The following PDE2A variants were observed in gnomAD, a reference collection of about 807,000 sequenced individuals.
PDE2A encodes the protein phosphodiesterase 2A.
In PDE2A, 53 loss-of-function variants were observed where a neutral mutation model predicts 133.6. The ratio of observed to expected loss-of-function variants is 0.40; its 90% CI spans 0.32 to 0.50. PDE2A has a LOEUF of 0.50. Among genes scored for constraint, PDE2A ranks in the 20% least tolerant of loss-of-function variants. PDE2A has a pLI of 0.73. For synonymous variants in PDE2A, 491 were observed against 490.2 expected (o/e 1.00, Z -0.02); for missense variants, 796 against 1,232.4 (o/e 0.65, Z 5.30).
chr11:72,666,903 C>T (rs1233468111), intron 1 of PDE2A, among the ~76,000 whole-genome samples: 1 of 152,084 alleles, frequency 6.6e-6, no homozygotes, highest in Non-Finnish European at 1.5e-5. Context: ...GTCAGGAGTT[C>T]AAGACCAGCC....
At chr11:72,632,984 G>A (rs190722142) in intron 2 of PDE2A, among the ~76,000 whole-genome samples, 237 of 152,264 alleles carry the variant, frequency 1.6e-3, no homozygotes, top group Non-Finnish European at 2.2e-3. Flanking sequence ...CACCTAGCCT[G>A]TGTTTATCAC....
intron 4 of PDE2A, chr11:72,598,560 C>T: frequency 3.1e-6 from 4 of 1,289,162 alleles, no homozygotes; most frequent in Non-Finnish European, 4.0e-6. Context: ...CTGGGTTCTT[C>T]ATCCCTCATG....
At chr11:72,589,611 T>G (rs1295621599) in intron 11 of PDE2A, 140 bp downstream of exon 11, 2 of 745,382 alleles carry the variant, frequency 2.7e-6, no homozygotes, top group Non-Finnish European at 4.6e-6. Context: ...GCAGCATTTC[T>G]AAGTAGTCCC....
intron 2 of PDE2A, among the ~76,000 whole-genome samples, chr11:72,629,831 T>C (rs1858281258): frequency 6.6e-6 from 1 of 152,094 alleles, no homozygotes; most frequent in South Asian, 2.1e-4. Context: ...AAATGTGAAA[T>C]AGGAATAATA....
At chr11:72,602,406 G>A (rs945580615) in intron 4 of PDE2A, among the ~76,000 whole-genome samples, 3 of 151,996 alleles carry the variant, frequency 2.0e-5, no homozygotes, top group African/African-American at 7.2e-5. Context: ...CAGCCTCCAC[G>A]CCACACCTGC....
chr11:72,630,768 C>T (rs960356812), intron 2 of PDE2A, among the ~76,000 whole-genome samples: 7 of 151,646 alleles, frequency 4.6e-5, no homozygotes, highest in Non-Finnish European at 8.8e-5. Context: ...GAGAGGAACT[C>T]GGGAAATACT....
chr11:72,647,982 C>A (rs1243134161), intron 1 of PDE2A, among the ~76,000 whole-genome samples: 1 of 152,126 alleles, frequency 6.6e-6, no homozygotes, highest in South Asian at 2.1e-4. Flanking sequence ...TGTCTGTGTG[C>A]AGAAGTGAGT....
intron 2 of PDE2A, among the ~76,000 whole-genome samples, chr11:72,635,737 A>C (rs1180036440): frequency 2.6e-5 from 4 of 152,250 alleles, no homozygotes; most frequent in Non-Finnish European, 5.9e-5. Context: ...CTTGTGCAAG[A>C]ATACCCGAGA....
At chr11:72,595,439 G>A (rs1469771497) in intron 6 of PDE2A, among the ~76,000 whole-genome samples, 2 of 151,864 alleles carry the variant, frequency 1.3e-5, no homozygotes, top group Non-Finnish European at 2.9e-5. Context: ...AGCAGCTTGC[G>A]GAGAAACCAA....
intron 2 of PDE2A, among the ~76,000 whole-genome samples, chr11:72,615,844 G>C (rs1004674243): frequency 6.6e-6 from 1 of 152,184 alleles, no homozygotes; most frequent in African/African-American, 2.4e-5. Flanking sequence ...AATCAGAGTC[G>C]CGCCACAAAA....
At chr11:72,617,314 G>A (rs1226787581) in intron 2 of PDE2A, among the ~76,000 whole-genome samples, 1 of 152,206 alleles carries the variant, frequency 6.6e-6, no homozygotes. Context: ...TAGGGCTGGT[G>A]GGGTGGATGG....
At chr11:72,588,607 A>C (rs1856085886) in intron 13 of PDE2A, among the ~76,000 whole-genome samples, 177 bp downstream of exon 13, 1 of 152,248 alleles carries the variant, frequency 6.6e-6, no homozygotes. Flanking sequence ...AGAAGAGAAG[A>C]GGAACTAGCT....
At chr11:72,648,293 C>A (rs1419449754) in intron 1 of PDE2A, among the ~76,000 whole-genome samples, 2 of 152,160 alleles carry the variant, frequency 1.3e-5, no homozygotes, top group Non-Finnish European at 2.9e-5. Flanking sequence ...TCAGCACCTG[C>A]CAGAGGTGCT....
In PDE2A at chr11:72,597,633, A is replaced by G. The variant is rs1856548287; in HGVS notation, c.324-14T>C. 5.7e-6 allele frequency: 9 copies of G among 1,572,646 alleles called. No individual in the cohort carries two copies. The highest frequency in any genetic ancestry group is 7.9e-6 in the Non-Finnish European group (9 of 1,144,322). On this transcript the variant is annotated splice_polypyrimidine_tract_variant and intron_variant, in intron 4 of 30. Transcript: ENST00000334456. This position sits in a 1 kb window ranked among gnomAD's most constrained non-coding sequence, Gnocchi z 4.6. ...ATGATAGCCTCCCTGAAAAGAGGACATGATGCCACCTTGAGAGCCCCCGAC... is the reference window on the plus strand; with the variant it reads ...ATGATAGCCTCCCTGAAAAGAGGACGTGATGCCACCTTGAGAGCCCCCGAC...
chr11:72,605,093 C>A, intron 4 of PDE2A, 45 bp downstream of exon 4: 1 of 1,278,662 alleles, frequency 7.8e-7, no homozygotes, highest in Non-Finnish European at 1.1e-6. Context: ...CCCTGAGAAT[C>A]CTTGGCCATG....
chr11:72,590,495 C>T lies in PDE2A; in HGVS notation c.635G>A (p.Gly212Glu), dbSNP rs780176588. ...APRAVQNPPE[G>E]TAEDQKGGAA... ...CCCGCCCTTCTGGTCTTCCGCCGTC[C>T]CCTCCGGGGGGTTCTGGACGGCTCG... Residue 212 changes from glycine (G) to glutamate (E), a missense_variant, in exon 8 of 31, where the codon GGG (glycine) becomes GAG (glutamate). By Grantham distance (98) the Gly-to-Glu change is moderately conservative. Transcript: ENST00000334456. This position sits in a 1 kb window ranked among gnomAD's most constrained non-coding sequence, Gnocchi z 4.8. 93 of 1,519,116 alleles carry T rather than the reference C, an allele frequency of 6.1e-5. No individual in the cohort carries two copies. Among genetic ancestry groups the T allele is most frequent in the Non-Finnish European group, 8.1e-5 (92 of 1,137,946 alleles). 94.1% of individuals were successfully genotyped at this position (1,519,116 alleles called of 1,614,324 possible).
intron 1 of PDE2A, among the ~76,000 whole-genome samples, chr11:72,650,382 C>G (rs1410062899): frequency 1.3e-5 from 2 of 152,060 alleles, no homozygotes; most frequent in African/African-American, 4.8e-5. Context: ...GAGCCCCCAT[C>G]CTTCTCTCTG....
In PDE2A at chr11:72,656,243, G is replaced by A. The variant is rs184184843; in HGVS notation, c.72-13917C>T. ...CTGTTGTAACCCTGAATGAGTCACT[G>A]TTACCTCGGGACCTCAGTTTCTTCA... is the stretch of plus-strand genomic sequence containing the variant. On this transcript the variant is annotated intron_variant, in intron 1 of 30. Coordinates refer to ENST00000334456, the MANE Select transcript of PDE2A (RefSeq NM_002599.5). Among the ~76,000 whole-genome samples, 12 of 152,336 alleles carry A rather than the reference G, an allele frequency of 7.9e-5. No individual in the cohort carries two copies. The East Asian group carries it at 2.3e-3, about 29-fold the overall frequency.
intron 2 of PDE2A, among the ~76,000 whole-genome samples, chr11:72,613,290 G>T (rs934310772): frequency 2.6e-5 from 4 of 151,912 alleles, no homozygotes; most frequent in East Asian, 1.9e-4. Flanking sequence ...ACCTCCCAAG[G>T]TCCGGCTGTG....
Sources: allele counts gnomAD v4.1 joint callset (sites outside exome capture counted in the v4.1 genomes callset), GRCh38; gene constraint gnomAD v4.1.1; non-coding constraint Gnocchi (gnomAD v3.1); transcripts MANE v1.5; gene names NCBI Gene and HGNC (gene_info 2026-07-23, HGNC 2026-07-21).